The following CHEK1 variants were observed in gnomAD, a reference collection of about 807,000 sequenced individuals.
CHEK1 encodes serine/threonine-protein kinase Chk1.
In CHEK1, 32 loss-of-function variants were observed where a neutral mutation model predicts 60.2. That is an observed-to-expected ratio of 0.53 (90% CI 0.40 to 0.71). The LOEUF (loss-of-function observed/expected upper bound fraction) is 0.71. Ranked by LOEUF, CHEK1 falls within the 30% of genes least tolerant of loss-of-function variation. CHEK1 has a pLI of 0.00. For missense variants in CHEK1, 399 were observed against 564.6 expected (o/e 0.71, Z 2.97); for synonymous variants, 179 against 187.2 (o/e 0.96, Z 0.36).
At chr11:125,675,305 A>G (rs1356987869) in intron 13 of CHEK1, among the ~76,000 whole-genome samples, 3 of 152,086 alleles carry the variant, frequency 2.0e-5, no homozygotes, top group African/African-American at 4.8e-5. Context: ...TGCACTTTAT[A>G]TGTGCCTTTC....
chr11:125,680,621 C>T, downstream of CHEK1: 5 of 986,586 alleles, frequency 5.1e-6, no homozygotes, highest in Non-Finnish European at 7.7e-6. Context: ...TTGATTCTGA[C>T]TCAGATTGGT....
downstream of CHEK1, chr11:125,677,871 G>C: frequency 9.9e-6 from 16 of 1,613,866 alleles, no homozygotes; most frequent in Non-Finnish European, 1.3e-5. Context: ...CTGTTCACCC[G>C]AGGCCTGCTC....
In CHEK1 at chr11:125,625,884, G is replaced by A. The variant is rs1322666475; in HGVS notation, c.-149G>A. The A allele has an allele frequency of 1.3e-5, 9 of 702,670 alleles. No homozygotes were observed. Among genetic ancestry groups the A allele is most frequent in the Middle Eastern group, 4.6e-4 (2 of 4,370 alleles). The allele number at this position is 702,670 out of a possible 1,614,324, so 43.5% of individuals were successfully genotyped here. ...GAGCCGCCGACATTCAGAGGGGCAGGACACGGGAACGCGCGCTGTCTTGCT... is the reference window on the plus strand; with the variant it reads ...GAGCCGCCGACATTCAGAGGGGCAGAACACGGGAACGCGCGCTGTCTTGCT... On this transcript the variant is annotated 5_prime_UTR_variant, in exon 1 of 13. Coordinates refer to ENST00000438015, the MANE Select transcript of CHEK1 (RefSeq NM_001114122.3).
chr11:125,652,912 C>A (rs1941787524), intron 11 of CHEK1, among the ~76,000 whole-genome samples: 1 of 152,134 alleles, frequency 6.6e-6, no homozygotes, highest in Non-Finnish European at 1.5e-5. Context: ...CTAGAACTTA[C>A]TCCTATCTAG....
chr11:125,625,962 GGGAAAA>G lies in CHEK1; in HGVS notation c.-69_-64del, dbSNP rs886755589. Reference sequence around the variant, plus strand: ...CAGCGTGACGCCCTCAAGTTTTGGCGGGAAAAGCGCTGCATTTGGATTCCTGCAGTG... The same window carrying G: ...CAGCGTGACGCCCTCAAGTTTTGGCGGCGCTGCATTTGGATTCCTGCAGTG... On this transcript the variant is annotated 5_prime_UTR_variant, in exon 1 of 13. Transcript: ENST00000438015. 1 of 702,520 alleles carries G rather than the reference GGGAAAA, an allele frequency of 1.4e-6. No homozygotes were observed. The highest frequency in any genetic ancestry group is 1.7e-5 in the African/African-American group (1 of 57,274). The allele number at this position is 702,520 out of a possible 1,614,324, so 43.5% of individuals were successfully genotyped here. A position where few individuals can be genotyped will look rare whatever the true frequency, so the allele number is the denominator to read the frequency against.
downstream of CHEK1, among the ~76,000 whole-genome samples, chr11:125,661,193 A>G (rs906626903): frequency 6.6e-6 from 1 of 151,502 alleles, no homozygotes; most frequent in African/African-American, 2.4e-5. Context: ...CATTGATTCC[A>G]TTTGCTTTCA....
intron 7 of CHEK1, chr11:125,635,811 A>G (rs1941052037): frequency 5.0e-6 from 1 of 199,030 alleles, no homozygotes; most frequent in Admixed American, 5.9e-5. Flanking sequence ...CATATGTGCT[A>G]TACTTTGTTG....
At chr11:125,640,727 G>C (rs1321664628) in intron 8 of CHEK1, among the ~76,000 whole-genome samples, 1 of 151,924 alleles carries the variant, frequency 6.6e-6, no homozygotes, top group East Asian at 2.0e-4. Context: ...GAGCCACTAT[G>C]CCCGGCTAAT....
rs546895061 is a variant in CHEK1, at chr11:125,625,915, G to A, written c.-118G>A. 99 of 702,542 alleles carry A rather than the reference G, an allele frequency of 1.4e-4. 1 individual carries two copies. The highest frequency in any genetic ancestry group is 1.7e-4 in the Non-Finnish European group (66 of 385,020). The allele number at this position is 702,542 out of a possible 1,614,324, so 43.5% of individuals were successfully genotyped here. A position where few individuals can be genotyped will look rare whatever the true frequency, so the allele number is the denominator to read the frequency against. On this transcript the variant is annotated 5_prime_UTR_variant, in exon 1 of 13. Transcript: ENST00000438015. Reference sequence around the variant, plus strand: ...GGAACGCGCGCTGTCTTGCTTTACGGCGCGGGTGCGCGAGTTTGCGGCAGC... The same window carrying A: ...GGAACGCGCGCTGTCTTGCTTTACGACGCGGGTGCGCGAGTTTGCGGCAGC...
chr11:125,665,071 A>G (rs1415785280), intron 13 of CHEK1, among the ~76,000 whole-genome samples: 4 of 152,162 alleles, frequency 2.6e-5, no homozygotes, highest in African/African-American at 7.2e-5. Context: ...TCTTTGTTGA[A>G]AATGAGTTGG....
intron 13 of CHEK1, among the ~76,000 whole-genome samples, chr11:125,666,485 A>G (rs189068469): frequency 4.3e-4 from 66 of 152,286 alleles, no homozygotes; most frequent in Middle Eastern, 3.4e-3. Context: ...CAGTAGTTGG[A>G]TGAAATGTTC....
Position 125,639,894 on chromosome 11 carries a change from T to C in CHEK1, c.814+2350T>C, listed in dbSNP as rs577240078. 3.3e-5 allele frequency among the ~76,000 whole-genome samples: 5 copies of C among 152,320 alleles called. No homozygotes were observed. In the South Asian group the frequency reaches 8.3e-4, roughly 25 times the overall value. Reference sequence around the variant, plus strand: ...CTTTCTCTTACCCACTCAATGACTTTGTCTAGCAATTTTTCTCCCTCTCCT... The same window carrying C: ...CTTTCTCTTACCCACTCAATGACTTCGTCTAGCAATTTTTCTCCCTCTCCT... On this transcript the variant is annotated intron_variant, in intron 8 of 12. Transcript: ENST00000438015.
chr11:125,630,656 C>T (rs1940829292), intron 5 of CHEK1, among the ~76,000 whole-genome samples: 1 of 151,910 alleles, frequency 6.6e-6, no homozygotes, highest in Non-Finnish European at 1.5e-5. Context: ...ACTTTTTACC[C>T]CTTTAAACTG....
chr11:125,634,631 G>A (rs924872616), intron 6 of CHEK1, among the ~76,000 whole-genome samples: 3 of 149,866 alleles, frequency 2.0e-5, no homozygotes, highest in African/African-American at 7.4e-5. Context: ...ATACAATATT[G>A]TCCGGGCACA....
intron 13 of CHEK1, among the ~76,000 whole-genome samples, chr11:125,675,404 T>A (rs1942454204): frequency 6.6e-6 from 1 of 152,228 alleles, no homozygotes; most frequent in Admixed American, 6.5e-5. Flanking sequence ...ATTTGAGTCA[T>A]CTTTCTGTAG....
In CHEK1 at chr11:125,653,815, G is replaced by T; in HGVS notation, c.1303G>T (p.Asp435Tyr). 2 of 1,584,928 alleles carry T rather than the reference G, an allele frequency of 1.3e-6. No individual in the cohort carries two copies. Among genetic ancestry groups the T allele is most frequent in the Non-Finnish European group, 1.7e-6 (2 of 1,159,632 alleles). ...IFKVNLLEMD[D>Y]KILVDFRLSK... ...CAAAGTGAATTTGTTAGAAATGGAT[G>T]ATAAAATATTGGTTGACTTCCGGCT... is the stretch of plus-strand genomic sequence containing the variant. The change falls in exon 12 of 13, where the codon GAT becomes TAT. Residue 435 changes from aspartate (D) to tyrosine (Y), a missense_variant. Physicochemically the swap from Asp to Tyr is radical, Grantham distance 160 (BLOSUM62 -3). Transcript: ENST00000438015. The surrounding 1 kb of genome is among the most constrained non-coding windows in gnomAD (Gnocchi z 4.3).
chr11:125,677,932 A>G, downstream of CHEK1: 1 of 1,614,082 alleles, frequency 6.2e-7, no homozygotes, highest in Non-Finnish European at 8.5e-7. Context: ...TGTTCATCTG[A>G]AGGCTGTTCA....
downstream of CHEK1, among the ~76,000 whole-genome samples, chr11:125,679,226 T>TTTTTTTTTTTTTTTTTTTTTTTG (rs1382524633): frequency 2.1e-5 from 3 of 145,580 alleles, no homozygotes; most frequent in African/African-American, 7.6e-5. Flanking sequence ...CTTTTTTTTT[T>TTTTTTTTTTTTTTTTTTTTTTTG]TTTGTTTCAA....
At chr11:125,662,906 C>T (rs144281949) in intron 13 of CHEK1, among the ~76,000 whole-genome samples, 5 of 152,044 alleles carry the variant, frequency 3.3e-5, no homozygotes, top group Admixed American at 3.3e-4. Flanking sequence ...TTTGTTTTAG[C>T]CATTCTGATA....
Sources: allele counts gnomAD v4.1 joint callset (sites outside exome capture counted in the v4.1 genomes callset), GRCh38; gene constraint gnomAD v4.1.1; non-coding constraint Gnocchi (gnomAD v3.1); transcripts MANE v1.5; gene names NCBI Gene and HGNC (gene_info 2026-07-23, HGNC 2026-07-21).